Variants in MSI2 observed in about 807,000 individuals in gnomAD.
MSI2 encodes RNA-binding protein Musashi homolog 2.
A neutral mutation model predicts 45.6 loss-of-function variants in MSI2; 17 were observed. That is an observed-to-expected ratio of 0.37 (90% CI 0.26 to 0.56). MSI2 has a LOEUF of 0.56. Ranked by LOEUF, MSI2 falls within the 20% of genes least tolerant of loss-of-function variation. The pLI, the probability that MSI2 is intolerant of heterozygous loss-of-function variation, is 0.77. For synonymous variants in MSI2, 156 were observed against 158.2 expected (o/e 0.99, Z 0.11); for missense variants, 293 against 444.2 (o/e 0.66, Z 3.06).
At chr17:57,438,008 G>C (rs2084721911) in intron 6 of MSI2, among the ~76,000 whole-genome samples, 1 of 152,232 alleles carries the variant, frequency 6.6e-6, no homozygotes, top group South Asian at 2.1e-4. Flanking sequence ...AGAAAGCACA[G>C]TGTGTCCTAC....
intron 7 of MSI2, among the ~76,000 whole-genome samples, chr17:57,576,928 C>T (rs9899228): frequency 0.2 from 30,540 of 151,790 alleles, 3,206 homozygotes; most frequent in African/African-American, 0.24. Flanking sequence ...GACGCCACCA[C>T]AAAGGGAAGT....
intron 6 of MSI2, among the ~76,000 whole-genome samples, chr17:57,489,012 T>C (rs534406736): frequency 1.6e-4 from 25 of 152,206 alleles, no homozygotes; most frequent in African/African-American, 5.8e-4. Flanking sequence ...GCCTTCACTC[T>C]CAGTCCGTGC....
intron 5 of MSI2, among the ~76,000 whole-genome samples, chr17:57,296,342 C>T (rs963853327): frequency 6.6e-6 from 1 of 152,004 alleles, no homozygotes; most frequent in Non-Finnish European, 1.5e-5. Flanking sequence ...CATATATGGC[C>T]GACTGCAATT....
intron 11 of MSI2, among the ~76,000 whole-genome samples, chr17:57,669,442 T>TCCATGAGAG (rs1912613705): frequency 6.6e-6 from 1 of 152,206 alleles, no homozygotes; most frequent in Non-Finnish European, 1.5e-5. Flanking sequence ...AACATAGAGT[T>TCCATGAGAG]CCCTGAGAGC....
rs772979551 is a variant in MSI2 at position 57,682,064 on chromosome 17, A to C, written c.*2547A>C. 100 of 204,474 alleles carry C rather than the reference A, an allele frequency of 4.9e-4. 1 individual carries two copies. Among genetic ancestry groups the C allele is most frequent in the Non-Finnish European group, 9.0e-4 (90 of 99,978 alleles). 12.7% of individuals were successfully genotyped at this position (204,474 alleles called of 1,614,324 possible). Reference sequence around the variant, plus strand: ...CGACTTTTTTTCTCCTCTTTCTTCTAGTACATATTGATAGGTATAACATAA... The same window carrying C: ...CGACTTTTTTTCTCCTCTTTCTTCTCGTACATATTGATAGGTATAACATAA... On this transcript the variant is annotated 3_prime_UTR_variant, in exon 14 of 14. Coordinates refer to ENST00000284073, the MANE Select transcript of MSI2 (RefSeq NM_138962.4).
chr17:57,493,451 A>G (rs576109158), intron 6 of MSI2, among the ~76,000 whole-genome samples: 13 of 152,158 alleles, frequency 8.5e-5, no homozygotes, highest in Non-Finnish European at 1.3e-4. Context: ...GAAAATATCA[A>G]TAAAGAGGCT....
chr17:57,261,386 A>G (rs1907294103), intron 4 of MSI2, among the ~76,000 whole-genome samples: 1 of 150,284 alleles, frequency 6.7e-6, no homozygotes, highest in African/African-American at 2.5e-5. Context: ...CCTCCCCATG[A>G]TGGGATTTCT....
At chr17:57,699,014 GGAGAGAGAGAGAGAGA>G in the MSI2 span, among the ~76,000 whole-genome samples, 1 of 23,576 alleles carries the variant, frequency 4.2e-5, no homozygotes, top group Non-Finnish European at 7.1e-5. Flanking sequence ...GAAGAGGCGA[GGAGAGAGAGAGAGAGA>G]GAGAGAGAGA....
chr17:57,605,286 G>T (rs540361912), intron 8 of MSI2, among the ~76,000 whole-genome samples: 1 of 152,214 alleles, frequency 6.6e-6, no homozygotes, highest in Non-Finnish European at 1.5e-5. Flanking sequence ...TAGTGTGTTG[G>T]GGGAGGCCGG....
chr17:57,498,746 A>G (rs1168148907), intron 6 of MSI2, among the ~76,000 whole-genome samples: 2 of 152,154 alleles, frequency 1.3e-5, no homozygotes, highest in Admixed American at 1.3e-4. Context: ...TAATTAGTTC[A>G]TGGAACCTTT....
Position 57,529,085 on chromosome 17 carries a change from T to C in MSI2, c.406-591T>C, listed in dbSNP as rs1260698591. Reference sequence around the variant, plus strand: ...CAGGTTAACAAAAGGACAAATTCCATATACTATATGATTTAAACTATATTG... The same window carrying C: ...CAGGTTAACAAAAGGACAAATTCCACATACTATATGATTTAAACTATATTG... On this transcript the variant is annotated intron_variant, in intron 6 of 13. Coordinates refer to ENST00000284073, the MANE Select transcript of MSI2 (RefSeq NM_138962.4). The surrounding 1 kb of genome is among the most constrained non-coding windows in gnomAD (Gnocchi z 5.3). 6.6e-6 allele frequency among the ~76,000 whole-genome samples: 1 copy of C among 152,176 alleles called. No homozygotes were observed. Among genetic ancestry groups the C allele is most frequent in the Non-Finnish European group, 1.5e-5 (1 of 68,036 alleles).
chr17:57,443,681 G>A (rs899014611), intron 6 of MSI2, among the ~76,000 whole-genome samples: 12 of 152,146 alleles, frequency 7.9e-5, no homozygotes, highest in African/African-American at 2.4e-4. Flanking sequence ...TGCTCTGCCC[G>A]TGTGAGACAG....
At chr17:57,365,867 T>C (rs2143929280) in intron 5 of MSI2, among the ~76,000 whole-genome samples, 1 of 152,356 alleles carries the variant, frequency 6.6e-6, no homozygotes, top group Middle Eastern at 3.4e-3. Flanking sequence ...CAGTATCTTC[T>C]ACAGATTGTG....
At chr17:57,623,820 C>T (rs1303809604) in intron 9 of MSI2, among the ~76,000 whole-genome samples, 3 of 152,156 alleles carry the variant, frequency 2.0e-5, no homozygotes, top group African/African-American at 7.2e-5. Context: ...GGGCTGTGAA[C>T]CATTCGAGCA....
intron 11 of MSI2, among the ~76,000 whole-genome samples, chr17:57,657,502 C>G (rs533044589): frequency 4.1e-4 from 63 of 152,314 alleles, no homozygotes; most frequent in African/African-American, 1.2e-3. Context: ...AGGAAAATGG[C>G]TTTGCTGCCC....
intron 7 of MSI2, among the ~76,000 whole-genome samples, chr17:57,541,150 G>A (rs1288846287): frequency 1.0e-5 from 1 of 98,246 alleles, no homozygotes; most frequent in Non-Finnish European, 2.1e-5. Context: ...ATACATTTTG[G>A]TAGAGAGAGA....
At chr17:57,390,839 A>G (rs2144080983) in intron 5 of MSI2, among the ~76,000 whole-genome samples, 1 of 152,248 alleles carries the variant, frequency 6.6e-6, no homozygotes, top group South Asian at 2.1e-4. Flanking sequence ...GTTTTCCTTA[A>G]GTTGTGGTGT....
chr17:57,282,651 G>C (rs1909522005), intron 5 of MSI2, among the ~76,000 whole-genome samples: 1 of 152,210 alleles, frequency 6.6e-6, no homozygotes, highest in Non-Finnish European at 1.5e-5. Context: ...GGGGTGGATA[G>C]GGGAGAAATA....
At chr17:57,644,036 C>G (rs543641954) in intron 10 of MSI2, among the ~76,000 whole-genome samples, 8 of 152,180 alleles carry the variant, frequency 5.3e-5, no homozygotes, top group South Asian at 2.1e-4. Flanking sequence ...ATTGCCCCCC[C>G]AGGCCATACA....
Sources: allele counts gnomAD v4.1 joint callset (sites outside exome capture counted in the v4.1 genomes callset), GRCh38; gene constraint gnomAD v4.1.1; non-coding constraint Gnocchi (gnomAD v3.1); transcripts MANE v1.5; gene names NCBI Gene and HGNC (gene_info 2026-07-23, HGNC 2026-07-21).